The following SLC35D1 variants were observed in gnomAD, a reference collection of about 807,000 sequenced individuals.
SLC35D1 encodes solute carrier family 35 member D1.
A neutral mutation model predicts 46.7 loss-of-function variants in SLC35D1; 31 were observed. That is an observed-to-expected ratio of 0.66 (90% CI 0.50 to 0.90). The LOEUF (loss-of-function observed/expected upper bound fraction) is 0.90. SLC35D1 is among the 40% of genes least tolerant of loss of function. SLC35D1 has a pLI of 0.00. For missense variants in SLC35D1, 397 were observed against 426.2 expected, an observed-to-expected ratio of 0.93 and a Z score of 0.60; for synonymous variants, 195 against 164.6, an observed-to-expected ratio of 1.18 and a Z score of -1.41.
intron 11 of SLC35D1, among the ~76,000 whole-genome samples, chr1:67,007,277 T>C (rs976538139): frequency 6.6e-6 from 1 of 152,340 alleles, no homozygotes; most frequent in South Asian, 2.1e-4. Context: ...GCAGGTTCAA[T>C]GTCTAGAGAG....
At chr1:66,975,426 C>G in the SLC35D1 span, among the ~76,000 whole-genome samples, 1 of 151,630 alleles carries the variant, frequency 6.6e-6, no homozygotes, top group African/African-American at 2.4e-5. Context: ...ATTGAGGGTG[C>G]TGAGGCAGGA....
chr1:67,005,385 GA>G (rs1361372333), intron 11 of SLC35D1, among the ~76,000 whole-genome samples: 2 of 152,204 alleles, frequency 1.3e-5, no homozygotes, highest in Non-Finnish European at 1.5e-5. Flanking sequence ...AGAAGGGTGA[GA>G]GACGCCTAGC....
chr1:67,037,092 A>T (rs1055188909), intron 8 of SLC35D1, among the ~76,000 whole-genome samples: 1 of 152,088 alleles, frequency 6.6e-6, no homozygotes, highest in Non-Finnish European at 1.5e-5. Context: ...CCTTAATTTC[A>T]TCCCCTCACT....
Position 67,042,246 on chromosome 1 carries a change from T to C in SLC35D1, c.719A>G (p.Asp240Gly). 6.2e-7 allele frequency: 1 copy of C among 1,613,990 alleles called. No individual in the cohort carries two copies. The highest frequency in any genetic ancestry group is 8.5e-7 in the Non-Finnish European group (1 of 1,179,866). ...ATTAGAAAGTCCTACCTTTTGTGCA[T>C]CTCCTGTGAAATACGCAATGGCCAG... Reference protein sequence around the residue: ...PTLAIAYFTGDAQKAVEFEGW... With the variant: ...PTLAIAYFTGGAQKAVEFEGW... The change falls in exon 8 of 12, where the codon GAT (aspartate) becomes GGT (glycine). Residue 240 changes from aspartate to glycine, a missense_variant. Transcript: ENST00000235345.
intron 7 of SLC35D1, among the ~76,000 whole-genome samples, chr1:67,043,270 G>A (rs1254181716): frequency 6.6e-6 from 1 of 152,122 alleles, no homozygotes; most frequent in Non-Finnish European, 1.5e-5. Flanking sequence ...GGAGGCTGAT[G>A]TGGGTGGAAC....
chr1:66,986,133 G>GA, the SLC35D1 span: 13 of 1,138,434 alleles, frequency 1.1e-5, 1 homozygote, highest in Admixed American at 6.1e-4. Flanking sequence ...TTTATGAAGA[G>GA]AAAGTGAAGT....
intron 4 of SLC35D1, among the ~76,000 whole-genome samples, chr1:67,050,896 C>T (rs1422930341): frequency 6.6e-6 from 1 of 152,138 alleles, no homozygotes; most frequent in African/African-American, 2.4e-5. Flanking sequence ...CTTGACTGTC[C>T]TTTTGTGGAT....
intron 10 of SLC35D1, among the ~76,000 whole-genome samples, chr1:67,018,303 T>A (rs1477844379): frequency 1.2e-4 from 18 of 152,146 alleles, no homozygotes; most frequent in Non-Finnish European, 2.9e-5. Flanking sequence ...GTCATTTGAA[T>A]ACAGGGATCC....
intron 10 of SLC35D1, among the ~76,000 whole-genome samples, chr1:67,012,545 C>CAA (rs10674963): frequency 0.025 from 2,597 of 103,074 alleles, 79 homozygotes; most frequent in African/African-American, 0.052. Context: ...ACTCCTAAAT[C>CAA]AAAAAAAAAA....
At position 67,038,923 on chromosome 1, in the gene SLC35D1, C is replaced by T. The variant is rs765567084; in HGVS notation, c.729+3313G>A. On this transcript the variant is annotated intron_variant, in intron 8 of 11. Coordinates refer to ENST00000235345, the MANE Select transcript of SLC35D1 (RefSeq NM_015139.3). ...ACCTTGCATTATGTGCTCACTGGGACGAGTTTTTCAACTGGAACTTTCCTT... is the reference window on the plus strand; with the variant it reads ...ACCTTGCATTATGTGCTCACTGGGATGAGTTTTTCAACTGGAACTTTCCTT... Among the ~76,000 whole-genome samples, 6 of 151,822 alleles carry T rather than the reference C, an allele frequency of 4.0e-5. No homozygotes were observed. In the East Asian group the frequency reaches 1.2e-3, roughly 29 times the overall value.
chr1:66,978,428 A>G, the SLC35D1 span, among the ~76,000 whole-genome samples: 3 of 152,180 alleles, frequency 2.0e-5, no homozygotes, highest in African/African-American at 7.2e-5. Context: ...ATCCCCCATT[A>G]TTCAAAGCTG....
Position 67,033,972 on chromosome 1 carries a change from T to C in SLC35D1, c.729+8264A>G, listed in dbSNP as rs371059939. 2.2e-4 allele frequency among the ~76,000 whole-genome samples: 33 copies of C among 152,340 alleles called. No individual in the cohort carries two copies. In the South Asian group the frequency reaches 5.4e-3, roughly 25 times the overall value. On this transcript the variant is annotated intron_variant, in intron 8 of 11. Transcript: ENST00000235345. ...TCCCCAGTGTATGTTCTTGGCACCA[T>C]TGTCAAAAATTAGTTTACTGTAGAT...
intron 8 of SLC35D1, among the ~76,000 whole-genome samples, chr1:67,034,009 G>C (rs1668074204): frequency 6.6e-6 from 1 of 152,094 alleles, no homozygotes; most frequent in South Asian, 2.1e-4. Flanking sequence ...TATGGATTTA[G>C]TTCTGTGTTC....
At chr1:66,975,399 C>G in the SLC35D1 span, among the ~76,000 whole-genome samples, 1 of 151,700 alleles carries the variant, frequency 6.6e-6, no homozygotes, top group Non-Finnish European at 1.5e-5. Flanking sequence ...TGGTGGCATG[C>G]AATTGTGGTC....
At position 67,001,834 on chromosome 1, in the gene SLC35D1, A is replaced by G. The variant is rs1358319274; in HGVS notation, c.*2506T>C. On this transcript the variant is annotated 3_prime_UTR_variant, in exon 12 of 12. Transcript: ENST00000235345. ...GAAGGATGCATCCAGGAAGCAGAAC[A>G]CAGACAGGGCAAAGTTGCTGTACTG... The G allele has an allele frequency of 6.6e-6, 1 of 152,436 alleles. No homozygotes were observed. The highest frequency in any genetic ancestry group is 1.5e-5 in the Non-Finnish European group (1 of 68,096). The allele number at this position is 152,436 out of a possible 1,614,324, so 9.4% of individuals were successfully genotyped here.
intron 1 of SLC35D1, 96 bp downstream of exon 1, chr1:67,053,715 T>G (rs1334572084): frequency 7.4e-6 from 9 of 1,219,810 alleles, no homozygotes; most frequent in Non-Finnish European, 9.6e-6. Flanking sequence ...TTGTTCGGCT[T>G]TAACTTTGGC....
the SLC35D1 span, among the ~76,000 whole-genome samples, chr1:66,974,483 T>C: frequency 3.3e-5 from 5 of 151,898 alleles, no homozygotes; most frequent in African/African-American, 9.7e-5. Flanking sequence ...ATTAAAACAC[T>C]CTTAACCAAA....
intron 4 of SLC35D1, among the ~76,000 whole-genome samples, chr1:67,051,741 T>A (rs569566646): frequency 7.2e-5 from 11 of 152,236 alleles, no homozygotes; most frequent in African/African-American, 2.4e-4. Flanking sequence ...AAATTTCCTA[T>A]CATAGCATTT....
the SLC35D1 span, chr1:66,985,080 T>G: frequency 7.5e-7 from 1 of 1,335,550 alleles, no homozygotes; most frequent in Non-Finnish European, 9.6e-7. Context: ...ACTTTAAAGC[T>G]GTCAGACTCT....
Sources: gnomAD v4.1 joint callset for allele counts (sites outside exome capture counted in the v4.1 genomes callset) on GRCh38, gnomAD v4.1.1 for gene constraint, MANE v1.5 for transcripts, NCBI Gene and HGNC (gene_info 2026-07-23, HGNC 2026-07-21) for gene names.